Variants in UNC79 observed in about 807,000 individuals in gnomAD.
The protein encoded by UNC79 is unc-79 subunit of NALCN channel complex, also known as protein unc-79 homolog.
In UNC79, 37 loss-of-function variants were observed where a neutral mutation model predicts 283.1. The ratio of observed to expected loss-of-function variants is 0.13; its 90% CI spans 0.10 to 0.17. UNC79 has a LOEUF of 0.17. UNC79 is among the 10% of genes least tolerant of loss of function. UNC79 has a pLI of 1.00. For synonymous variants in UNC79, 1,107 were observed against 1,200.2 expected (o/e 0.92, Z 1.61); for missense variants, 2,272 against 3,211.1 (o/e 0.71, Z 7.07).
At chr14:93,489,767 C>T (rs916643645) in intron 5 of UNC79, among the ~76,000 whole-genome samples, 1 of 152,182 alleles carries the variant, frequency 6.6e-6, no homozygotes, top group East Asian at 1.9e-4. Flanking sequence ...CAAGACCCTG[C>T]CCCTGTGGCT....
chr14:93,341,172 C>T (rs558514409), intron 1 of UNC79, among the ~76,000 whole-genome samples: 15 of 152,050 alleles, frequency 9.9e-5, no homozygotes, highest in Admixed American at 3.9e-4. Flanking sequence ...AAAAGGTGGC[C>T]GGGTGCAGTG....
chr14:93,348,599 A>G (rs1217262402), intron 1 of UNC79, among the ~76,000 whole-genome samples: 1 of 150,122 alleles, frequency 6.7e-6, no homozygotes, highest in Non-Finnish European at 1.5e-5. Context: ...TGTGAGAAGT[A>G]CAACCATTTC....
chr14:93,408,047 G>A (rs777918032), intron 1 of UNC79, among the ~76,000 whole-genome samples: 2 of 152,004 alleles, frequency 1.3e-5, no homozygotes, highest in African/African-American at 2.4e-5. Flanking sequence ...CATTATGTCC[G>A]GTCTTCAACA....
chr14:93,361,475 C>T lies in UNC79; in HGVS notation c.-351+27952C>T, dbSNP rs572743248. ...GCATTGTTCCATGTTTGAACTACAG[C>T]ACTACAGCCTGGGCGACACAGTGAG... On this transcript the variant is annotated intron_variant, in intron 1 of 49. Transcript: ENST00000256339. 3.4e-5 allele frequency among the ~76,000 whole-genome samples: 5 copies of T among 147,672 alleles called. No individual in the cohort carries two copies. In the South Asian group the frequency reaches 8.6e-4, roughly 25 times the overall value.
chr14:93,406,596 A>G lies in UNC79; in HGVS notation c.-350-61075A>G, dbSNP rs75398948. ...AGGTGAGATCCTGTCTCTAAAAAGA[A>G]AACAAGGAAACAAGAAAATCTAATA... On this transcript the variant is annotated intron_variant, in intron 1 of 49. Transcript: ENST00000256339. Among the ~76,000 whole-genome samples, 1,357 of 152,260 alleles carry G rather than the reference A, an allele frequency of 8.9e-3. 34 individuals are homozygous for G. Among genetic ancestry groups the G allele is most frequent in the African/African-American group, 0.031 (1,279 of 41,540 alleles).
At chr14:93,664,709 G>C (rs2071980179) in intron 40 of UNC79, among the ~76,000 whole-genome samples, 1 of 152,144 alleles carries the variant, frequency 6.6e-6, no homozygotes, top group African/African-American at 2.4e-5. Flanking sequence ...GCCTATCTTG[G>C]ATCAGGTTTA....
At chr14:93,645,632 G>T (rs574451865) in intron 34 of UNC79, among the ~76,000 whole-genome samples, 1 of 152,090 alleles carries the variant, frequency 6.6e-6, no homozygotes, top group African/African-American at 2.4e-5. Context: ...TAACGCTTTC[G>T]TGGATCACTC....
At chr14:93,552,281 A>G (rs538717723) in intron 14 of UNC79, among the ~76,000 whole-genome samples, 1 of 152,310 alleles carries the variant, frequency 6.6e-6, no homozygotes, top group Admixed American at 6.5e-5. Flanking sequence ...AAGAAAAACA[A>G]CTGTTAATGG....
rs2064253326 is a variant in UNC79, at chr14:93,586,815, A to G, written c.2939A>G (p.Lys980Arg). The G allele has an allele frequency of 6.2e-7, 1 of 1,613,962 alleles. No individual in the cohort carries two copies. The highest frequency in any genetic ancestry group is 1.7e-5 in the Admixed American group (1 of 60,006). Residue 980 changes from lysine to arginine, a missense_variant, in exon 22 of 49, where the codon AAG becomes AGG. Lys to Arg is a conservative substitution (Grantham distance 26). Around this residue, in one of 11 missense-constraint regions of UNC79, gnomAD observed 237 missense variants for 378.9 expected, o/e 0.63. Coordinates refer to ENST00000555664, the Ensembl canonical transcript of UNC79. Reference sequence around the variant, plus strand: ...CTTTTTAATATGCTCAATTGCCTGAAGATTCTCTGTCTGCATGGAGAATGT... The same window carrying G: ...CTTTTTAATATGCTCAATTGCCTGAGGATTCTCTGTCTGCATGGAGAATGT...
intron 48 of UNC79, among the ~76,000 whole-genome samples, 155 bp downstream of exon 51, chr14:93,704,821 G>T (rs1283017705): frequency 6.6e-6 from 1 of 152,190 alleles, no homozygotes; most frequent in African/African-American, 2.4e-5. Flanking sequence ...CTGTGGGCCA[G>T]GTAAGGGCTC....
At chr14:93,684,353 A>G (rs2074078291) in intron 42 of UNC79, among the ~76,000 whole-genome samples, 2 of 152,242 alleles carry the variant, frequency 1.3e-5, no homozygotes, top group Admixed American at 6.5e-5. Context: ...GAAAATAAAT[A>G]TGCACATGTT....
At chr14:93,610,731 C>A (rs28671107) in intron 26 of UNC79, among the ~76,000 whole-genome samples, 106,950 of 151,554 alleles carry the variant, frequency 0.71, 38,022 homozygotes, top group African/African-American at 0.73. Context: ...CTGCCTCAGC[C>A]TCCCGAGTAG....
chr14:93,706,353 A>T (rs2075878948), intron 48 of UNC79, among the ~76,000 whole-genome samples: 1 of 152,196 alleles, frequency 6.6e-6, no homozygotes, highest in Non-Finnish European at 1.5e-5. Context: ...AGGGATCCTG[A>T]CAGCAGAACC....
At chr14:93,431,735 C>A (rs1357885497) in intron 1 of UNC79, among the ~76,000 whole-genome samples, 4 of 152,194 alleles carry the variant, frequency 2.6e-5, no homozygotes, top group Middle Eastern at 3.2e-3. Flanking sequence ...GCCCATAGCA[C>A]CGGAGGATTT....
At chr14:93,484,109 C>G (rs1003504381) in intron 4 of UNC79, among the ~76,000 whole-genome samples, 4 of 152,216 alleles carry the variant, frequency 2.6e-5, no homozygotes, top group African/African-American at 9.6e-5. Context: ...ACCACACTGT[C>G]TTCCACAATG....
At chr14:93,648,802 A>G (rs111429139) in intron 35 of UNC79, among the ~76,000 whole-genome samples, 2 of 152,230 alleles carry the variant, frequency 1.3e-5, no homozygotes, top group African/African-American at 4.8e-5. Context: ...TGTAGGAGGA[A>G]CTATGAAAAA....
At position 93,586,846 on chromosome 14, in the gene UNC79, C is replaced by T. The variant is rs772724494; in HGVS notation, c.2970C>T (p.Tyr990=). Residue 990 remains tyrosine, a synonymous_variant, in exon 22 of 49, where the codon TAC becomes TAT. Coordinates refer to ENST00000555664, the Ensembl canonical transcript of UNC79. ...TCTGTCTGCATGGAGAATGTTTATA[C>T]ATTGCCAGAAAAGATCACCCTCAAT... The T allele has an allele frequency of 2.7e-5, 44 of 1,613,892 alleles. 3 individuals are homozygous for T. In the South Asian group the frequency reaches 4.4e-4, roughly 16 times the overall value.
intron 14 of UNC79, among the ~76,000 whole-genome samples, chr14:93,569,885 C>T (rs144134780): frequency 2.0e-5 from 3 of 152,126 alleles, no homozygotes; most frequent in East Asian, 3.9e-4. Context: ...TTCCTAAAGC[C>T]ACATTTCTGT....
intron 1 of UNC79, among the ~76,000 whole-genome samples, chr14:93,436,429 C>A (rs1342552150): frequency 6.6e-6 from 1 of 151,852 alleles, no homozygotes; most frequent in Non-Finnish European, 1.5e-5. Flanking sequence ...TTACTATATT[C>A]AAAATAATAA....
Sources: gnomAD v4.1 joint callset for allele counts (sites outside exome capture counted in the v4.1 genomes callset) on GRCh38, gnomAD v4.1.1 for gene constraint, gnomAD v4.1.1 regional missense constraint, MANE v1.5 for transcripts, NCBI Gene and HGNC (gene_info 2026-07-23, HGNC 2026-07-21) for gene names.